Variants in CNTNAP4 observed in about 807,000 individuals in gnomAD.
CNTNAP4 encodes the protein contactin associated protein family member 4, also known as contactin-associated protein-like 4.
In CNTNAP4, 98 loss-of-function variants were observed where a neutral mutation model predicts 148.4. That is an observed-to-expected ratio of 0.66 (90% confidence interval 0.56 to 0.78). CNTNAP4 has a LOEUF of 0.78. CNTNAP4 is among the 30% of genes least tolerant of loss of function. The probability of loss-of-function intolerance (pLI) is 0.00; values close to 1 mark genes in which losing one functional copy is unlikely to be tolerated. For missense variants in CNTNAP4, 1,935 were observed against 1,565.6 expected (o/e 1.24, Z -3.98); for synonymous variants, 730 against 565.1 (o/e 1.29, Z -4.14).
chr16:76,413,473 A>G (rs1372490032), intron 3 of CNTNAP4, among the ~76,000 whole-genome samples: 2 of 151,086 alleles, frequency 1.3e-5, no homozygotes, highest in African/African-American at 4.8e-5. Context: ...CTGTTTCTGG[A>G]TTCTCTGATC....
chr16:76,297,780 C>T (rs1959467828), intron 1 of CNTNAP4, among the ~76,000 whole-genome samples: 1 of 152,126 alleles, frequency 6.6e-6, no homozygotes, highest in African/African-American at 2.4e-5. Context: ...CTTCAGATAA[C>T]TTGCTCTCTT....
chr16:76,366,580 T>C (rs796599817), intron 3 of CNTNAP4, among the ~76,000 whole-genome samples: 6 of 152,334 alleles, frequency 3.9e-5, no homozygotes, highest in African/African-American at 1.4e-4. Flanking sequence ...TTGTGACTAG[T>C]GCTGCAGTAA....
At chr16:76,307,503 C>CATATAT (rs6145898) in intron 1 of CNTNAP4, among the ~76,000 whole-genome samples, 3,716 of 91,204 alleles carry the variant, frequency 0.041, 316 homozygotes, top group African/African-American at 0.048. Context: ...ATTTTAAATG[C>CATATAT]ATATATATAT....
At chr16:76,554,856 C>T (rs1191053516) in intron 23 of CNTNAP4, among the ~76,000 whole-genome samples, 2 of 152,072 alleles carry the variant, frequency 1.3e-5, no homozygotes, top group African/African-American at 4.8e-5. Flanking sequence ...GAAAACTTCT[C>T]ATGTGGCTTT....
rs150347615 is a variant in CNTNAP4 at position 76,291,498 on chromosome 16, T to G, written c.85+13751T>G. 6.8e-3 allele frequency among the ~76,000 whole-genome samples: 1,031 copies of G among 152,306 alleles called. 7 individuals are homozygous for G. The highest frequency in any genetic ancestry group is 0.041 in the Middle Eastern group (12 of 294). ...ATTTCCATAGCCATTATCACAAGTA[T>G]TATTTTATCCCCTTCCAAAGTACTT... On this transcript the variant is annotated intron_variant, in intron 1 of 23. Coordinates refer to ENST00000611870, the MANE Select transcript of CNTNAP4 (RefSeq NM_033401.5).
At chr16:76,280,171 G>T in intron 1 of CNTNAP4, among the ~76,000 whole-genome samples, 1 of 152,110 alleles carries the variant, frequency 6.6e-6, no homozygotes, top group Non-Finnish European at 1.5e-5. Context: ...TTTATTTACA[G>T]CTGATGAGCC....
chr16:76,481,973 A>G (rs1568348519), intron 12 of CNTNAP4, among the ~76,000 whole-genome samples: 1 of 151,534 alleles, frequency 6.6e-6, no homozygotes, highest in Non-Finnish European at 1.5e-5. Context: ...TTTACTCTGA[A>G]ATGAGATGAG....
intron 6 of CNTNAP4, 29 bp downstream of exon 6, chr16:76,448,980 G>C: frequency 6.3e-7 from 1 of 1,589,288 alleles, no homozygotes; most frequent in Non-Finnish European, 8.6e-7. Flanking sequence ...AATTAATGCT[G>C]ATTTTATTAT....
intron 8 of CNTNAP4, among the ~76,000 whole-genome samples, chr16:76,454,662 C>T (rs956933062): frequency 2.6e-5 from 4 of 152,088 alleles, no homozygotes; most frequent in African/African-American, 9.7e-5. Flanking sequence ...TGAAAATAGA[C>T]TATTTAAATG....
chr16:76,455,860 A>G (rs1430873882), intron 8 of CNTNAP4, among the ~76,000 whole-genome samples: 1 of 152,194 alleles, frequency 6.6e-6, no homozygotes, highest in Non-Finnish European at 1.5e-5. Context: ...TGAGAGGGTG[A>G]TGACAACTAA....
At chr16:76,504,775 A>C (rs1472347582) in intron 15 of CNTNAP4, among the ~76,000 whole-genome samples, 1 of 152,196 alleles carries the variant, frequency 6.6e-6, no homozygotes, top group African/African-American at 2.4e-5. Flanking sequence ...TAATATTTGA[A>C]AAATCAATTT....
At chr16:76,386,118 A>G (rs1464382909) in intron 3 of CNTNAP4, among the ~76,000 whole-genome samples, 1 of 152,214 alleles carries the variant, frequency 6.6e-6, no homozygotes, top group Non-Finnish European at 1.5e-5. Flanking sequence ...ACAAATGACC[A>G]CTGAAGCACA....
At chr16:76,333,358 C>T (rs912117746) in intron 2 of CNTNAP4, among the ~76,000 whole-genome samples, 2 of 152,208 alleles carry the variant, frequency 1.3e-5, no homozygotes, top group Non-Finnish European at 1.5e-5. Flanking sequence ...TCTCTCTGCT[C>T]AAATCTGCTG....
rs201677733 is a variant in CNTNAP4 at position 76,522,687 on chromosome 16, C to CT, written c.2755+433dup. ...CTTTCCTTCTTTCTCTCTTTCTCTC[C>CT]TTTCTTTTCTTTTCTTTTCTTTTCT... On this transcript the variant is annotated intron_variant, in intron 17 of 23. Coordinates refer to ENST00000611870, the MANE Select transcript of CNTNAP4 (RefSeq NM_033401.5). 2.1e-3 allele frequency among the ~76,000 whole-genome samples: 64 copies of CT among 30,156 alleles called. 11 individuals carry two copies. The highest frequency in any genetic ancestry group is 7.6e-3 in the African/African-American group (58 of 7,600). The allele number at this position is 30,156 out of a possible 152,430, so 19.8% of individuals were successfully genotyped here.
intron 1 of CNTNAP4, among the ~76,000 whole-genome samples, chr16:76,300,179 C>T (rs535988060): frequency 2.0e-5 from 3 of 152,080 alleles, no homozygotes; most frequent in East Asian, 3.9e-4. Flanking sequence ...CAACTTTTTG[C>T]AGGTGACATC....
chr16:76,379,854 T>C (rs2015792219), intron 3 of CNTNAP4, among the ~76,000 whole-genome samples: 1 of 152,168 alleles, frequency 6.6e-6, no homozygotes, highest in Non-Finnish European at 1.5e-5. Flanking sequence ...TGTTCCTGGG[T>C]TAATGATATG....
intron 13 of CNTNAP4, among the ~76,000 whole-genome samples, chr16:76,494,219 G>T (rs980096197): frequency 6.6e-6 from 1 of 152,072 alleles, no homozygotes; most frequent in African/African-American, 2.4e-5. Flanking sequence ...GGAGCTGGTA[G>T]CTGAACATTT....
chr16:76,497,337 A>T (rs1377463632), intron 14 of CNTNAP4, among the ~76,000 whole-genome samples: 2 of 152,194 alleles, frequency 1.3e-5, no homozygotes, highest in East Asian at 1.9e-4. Flanking sequence ...CATAATGTCT[A>T]AATAGACTGT....
rs756730085 is a variant in CNTNAP4 at position 76,553,455 on chromosome 16, G to A, written c.3615G>A (p.Gln1205=). 14 of 1,612,356 alleles carry A rather than the reference G, an allele frequency of 8.7e-6. No homozygotes were observed. The highest frequency in any genetic ancestry group is 1.2e-5 in the Non-Finnish European group (14 of 1,179,300). ...TGACTGAGTCCAGCTGTATGGCCCA[G>A]CCTGGCACTGATGCCACATCAAGGG... ...GHVTESSCMA[Q]PGTDATSRER... The change falls in exon 22 of 24, where the codon CAG becomes CAA. Residue 1205 remains glutamine (Q), a synonymous_variant. Coordinates refer to ENST00000611870, the MANE Select transcript of CNTNAP4 (RefSeq NM_033401.5).
Sources: gnomAD v4.1 joint callset for allele counts (sites outside exome capture counted in the v4.1 genomes callset) on GRCh38, gnomAD v4.1.1 for gene constraint, MANE v1.5 for transcripts, NCBI Gene and HGNC (gene_info 2026-07-23, HGNC 2026-07-21) for gene names.